The following ADGRL3 variants were observed in gnomAD, a reference collection of about 807,000 sequenced individuals.
ADGRL3 encodes adhesion G protein-coupled receptor L3.
A neutral mutation model predicts 153.5 loss-of-function variants in ADGRL3; 62 were observed. That is an observed-to-expected ratio of 0.40 (90% CI 0.33 to 0.50). ADGRL3 has a LOEUF of 0.50. Among genes scored for constraint, ADGRL3 ranks in the 20% least tolerant of loss-of-function variants. ADGRL3 has a pLI of 0.47. For synonymous variants in ADGRL3, 710 were observed against 672.5 expected (o/e 1.06, Z -0.86); for missense variants, 1,641 against 1,859.4 (o/e 0.88, Z 2.16).
At chr4:61,616,143 T>G (rs2091977877) in intron 5 of ADGRL3, among the ~76,000 whole-genome samples, 1 of 152,152 alleles carries the variant, frequency 6.6e-6, no homozygotes, top group Admixed American at 6.6e-5. Context: ...AAAGAAAATA[T>G]GAATTTGAAT....
intron 5 of ADGRL3, among the ~76,000 whole-genome samples, chr4:61,595,048 ACT>A (rs2098983393): frequency 6.6e-6 from 1 of 152,010 alleles, no homozygotes; most frequent in African/African-American, 2.4e-5. Flanking sequence ...CAGGCCTGGA[ACT>A]CACCCTTCAG....
rs1407568711 is a variant in ADGRL3, at chr4:61,717,196, ATGTGTGTGTGTGTGTGTGTGTGTGCG to A, written c.584-13410_584-13385del. On this transcript the variant is annotated intron_variant, in intron 6 of 26. Coordinates refer to ENST00000683033, the MANE Select transcript of ADGRL3 (RefSeq NM_001387552.1). ...CCAAATTCTGTAGGCCACATAGTTT[ATGTGTGTGTGTGTGTGTGTGTGTGCG>A]TGTGTGTGTGTGTGTATAACAAACC... Among the ~76,000 whole-genome samples the A allele has an allele frequency of 1.9e-5, 2 of 106,964 alleles. 1 individual carries two copies. The highest frequency in any genetic ancestry group is 6.0e-4 in the South Asian group (2 of 3,306). 70.2% of individuals were successfully genotyped at this position (106,964 alleles called of 152,430 possible). A position where few individuals can be genotyped will look rare whatever the true frequency, so the allele number is the denominator to read the frequency against.
intron 17 of ADGRL3, among the ~76,000 whole-genome samples, chr4:61,968,561 G>T (rs1177991020): frequency 1.3e-5 from 2 of 152,122 alleles, no homozygotes; most frequent in Non-Finnish European, 2.9e-5. Context: ...CAGCCACAAT[G>T]ATAGGCATCT....
intron 8 of ADGRL3, among the ~76,000 whole-genome samples, chr4:61,767,151 T>G (rs190487924): frequency 0.032 from 4,879 of 151,336 alleles, 190 homozygotes; most frequent in East Asian, 0.079. Flanking sequence ...GGGTTAAGGT[T>G]GGGGGATACA....
At chr4:61,573,438 A>G (rs2098847272) in intron 4 of ADGRL3, among the ~76,000 whole-genome samples, 2 of 152,002 alleles carry the variant, frequency 1.3e-5, no homozygotes, top group African/African-American at 4.8e-5. Context: ...AATGCTAAAT[A>G]GACATTTAAT....
intron 9 of ADGRL3, among the ~76,000 whole-genome samples, chr4:61,847,687 T>TA (rs2098137065): frequency 3.9e-5 from 2 of 51,922 alleles, no homozygotes; most frequent in African/African-American, 1.6e-4. Flanking sequence ...ATATTATATA[T>TA]ATAATATAAA....
intron 5 of ADGRL3, among the ~76,000 whole-genome samples, chr4:61,659,976 T>C (rs1464970607): frequency 1.3e-5 from 2 of 148,896 alleles, no homozygotes; most frequent in African/African-American, 4.9e-5. Context: ...ACACATAGGA[T>C]ATGGACTGAT....
intron 5 of ADGRL3, among the ~76,000 whole-genome samples, chr4:61,593,927 A>G (rs1194821548): frequency 6.6e-6 from 1 of 152,004 alleles, no homozygotes. Flanking sequence ...TCCTCTTTAA[A>G]GACAATAACT....
At chr4:61,832,724 C>T (rs181107781) in intron 9 of ADGRL3, among the ~76,000 whole-genome samples, 11 of 152,176 alleles carry the variant, frequency 7.2e-5, no homozygotes, top group Admixed American at 2.0e-4. Context: ...CATCTGAAAC[C>T]TTGTTGGAAA....
Position 61,732,901 on chromosome 4 carries a change from C to A in ADGRL3, c.746C>A (p.Thr249Asn). The A allele has an allele frequency of 1.2e-6, 2 of 1,613,654 alleles. No homozygotes were observed. The highest frequency in any genetic ancestry group is 1.7e-6 in the Non-Finnish European group (2 of 1,179,806). ...CCCTGGACTCCCTACAGAACTGATA[C>A]CCTGACTGAGTATTCATCCAAGGAT... ...YMPWTPYRTDTLTEYSSKDDF... is the reference protein window; with the variant it reads ...YMPWTPYRTDNLTEYSSKDDF... Residue 249 changes from threonine (T) to asparagine (N), a missense_variant, in exon 8 of 27, where the codon ACC becomes AAC. Around this residue, in one of 5 missense-constraint regions of ADGRL3, gnomAD observed 213 missense variants for 362.1 expected, o/e 0.59. Transcript: ENST00000683033.
At chr4:61,576,528 C>T (rs1249607937) in intron 4 of ADGRL3, among the ~76,000 whole-genome samples, 2 of 149,354 alleles carry the variant, frequency 1.3e-5, no homozygotes, top group African/African-American at 5.0e-5. Context: ...ATGCATTCCT[C>T]ATTTACCGAT....
chr4:61,546,405 AT>A (rs1197537633), intron 4 of ADGRL3, among the ~76,000 whole-genome samples: 1 of 152,200 alleles, frequency 6.6e-6, no homozygotes, highest in Non-Finnish European at 1.5e-5. Flanking sequence ...AAAACCAACT[AT>A]TACAAATATT....
At chr4:61,658,374 A>G (rs2094499087) in intron 5 of ADGRL3, among the ~76,000 whole-genome samples, 1 of 152,120 alleles carries the variant, frequency 6.6e-6, no homozygotes, top group Non-Finnish European at 1.5e-5. Context: ...CTGTGATTCC[A>G]TATAATCAGC....
intron 7 of ADGRL3, 46 bp from the exon 8 acceptor site, chr4:61,732,708 A>G (rs2096461526): frequency 9.1e-7 from 1 of 1,095,584 alleles, no homozygotes; most frequent in South Asian, 2.4e-5. Flanking sequence ...ATAACAAAAT[A>G]TGAAATTAAT....
intron 25 of ADGRL3, among the ~76,000 whole-genome samples, chr4:62,055,002 T>C (rs73207515): frequency 0.02 from 3,075 of 151,746 alleles, 90 homozygotes; most frequent in African/African-American, 0.07. Context: ...ATAAGTGCAC[T>C]GTTCATGGGA....
chr4:61,468,658 AT>A (rs1191230207), intron 2 of ADGRL3, among the ~76,000 whole-genome samples: 1 of 152,114 alleles, frequency 6.6e-6, no homozygotes, highest in Non-Finnish European at 1.5e-5. Context: ...AGGCTGGAAA[AT>A]AGGACTAAGA....
intron 13 of ADGRL3, among the ~76,000 whole-genome samples, chr4:61,915,627 CATCTT>C (rs1165402890): frequency 3.3e-5 from 5 of 152,056 alleles, no homozygotes. Context: ...ATTGAGTAAA[CATCTT>C]ATAAGACCAA....
rs376929302 is a variant in ADGRL3, at chr4:62,031,478, A to G, written c.3459A>G (p.Leu1153=). The change falls in exon 23 of 27, where the codon CTA becomes CTG. Residue 1153 remains leucine, a synonymous_variant. Coordinates refer to ENST00000683033, the MANE Select transcript of ADGRL3 (RefSeq NM_001387552.1). ...WVIGAIALLC[L]LGLTWAFGLM... Reference sequence around the variant, plus strand: ...TAGGTGCAATAGCTCTTCTCTGCCTATTAGGATTGACCTGGGCCTTTGGAC... The same window carrying G: ...TAGGTGCAATAGCTCTTCTCTGCCTGTTAGGATTGACCTGGGCCTTTGGAC... 55 of 1,610,714 alleles carry G rather than the reference A, an allele frequency of 3.4e-5. No homozygotes were observed. The South Asian group carries it at 4.6e-4, about 14-fold the overall frequency.
chr4:61,576,004 AG>A (rs1327624069), intron 4 of ADGRL3, among the ~76,000 whole-genome samples: 1 of 152,016 alleles, frequency 6.6e-6, no homozygotes, highest in African/African-American at 2.4e-5. Flanking sequence ...ATTTCATGAC[AG>A]TTTTCCAACA....
Sources: allele counts gnomAD v4.1 joint callset (sites outside exome capture counted in the v4.1 genomes callset), GRCh38; gene constraint gnomAD v4.1.1; regional missense constraint gnomAD v4.1.1; transcripts MANE v1.5; gene names NCBI Gene and HGNC (gene_info 2026-07-23, HGNC 2026-07-21).